DRC4: variants seen among roughly 807,000 people sequenced by gnomAD.
DRC4 encodes the protein dynein regulatory complex subunit 4.
At chr16:90,028,173 A>ATTTTTTTT in the DRC4 span, among the ~76,000 whole-genome samples, 931 of 63,858 alleles carry the variant, frequency 0.015, 221 homozygotes, top group African/African-American at 0.032. Flanking sequence ...TTAATCGTTC[A>ATTTTTTTT]TTTTTTTTTT....
the DRC4 span, among the ~76,000 whole-genome samples, chr16:90,024,158 A>ACACAC: frequency 6.6e-6 from 1 of 151,128 alleles, no homozygotes; most frequent in African/African-American, 2.4e-5. Flanking sequence ...ACACACACAC[A>ACACAC]AAATTAGCCG....
At chr16:90,019,760 C>T in the DRC4 span, 25 of 680,870 alleles carry the variant, frequency 3.7e-5, no homozygotes, top group East Asian at 5.7e-5. The surrounding 1 kb of genome is among the most constrained non-coding windows in gnomAD (Gnocchi z 6.1). Context: ...TCCTCTTGTT[C>T]TCTTCCAGGT....
the DRC4 span, chr16:90,040,262 A>G: frequency 1.9e-6 from 3 of 1,538,652 alleles, no homozygotes; most frequent in African/African-American, 4.1e-5. Flanking sequence ...TCCCCAGGTG[A>G]GGGGCCTCAT....
At chr16:90,038,399 C>T in the DRC4 span, among the ~76,000 whole-genome samples, 2 of 152,174 alleles carry the variant, frequency 1.3e-5, no homozygotes, top group African/African-American at 4.8e-5. Context: ...ACATAGGAAG[C>T]GGTCTCATCC....
At chr16:90,020,336 A>G in the DRC4 span, among the ~76,000 whole-genome samples, 1 of 152,018 alleles carries the variant, frequency 6.6e-6, no homozygotes, top group Non-Finnish European at 1.5e-5. Context: ...AAGAAAAGAA[A>G]AAGTCTAGTC....
chr16:90,041,245 T>A, the DRC4 span, among the ~76,000 whole-genome samples: 1 of 152,232 alleles, frequency 6.6e-6, no homozygotes, highest in Non-Finnish European at 1.5e-5. Flanking sequence ...GGTCAACCCC[T>A]CCTTTCCTGG....
chr16:90,043,444 C>A, the DRC4 span: 4 of 1,212,786 alleles, frequency 3.3e-6, no homozygotes, highest in Non-Finnish European at 3.4e-6. Context: ...TAGATTTTAT[C>A]ATCAGCAAAT....
At chr16:90,020,724 C>T in the DRC4 span, 1 of 152,232 alleles carries the variant, frequency 6.6e-6, no homozygotes, top group Non-Finnish European at 1.5e-5. Context: ...CACCGACAGA[C>T]CAGGATTGCT....
chr16:90,026,489 G>A, the DRC4 span, among the ~76,000 whole-genome samples: 256 of 152,262 alleles, frequency 1.7e-3, 1 homozygote, highest in African/African-American at 5.8e-3. Flanking sequence ...TGTCACAACC[G>A]ATCGTGGTTA....
chr16:90,027,309 T>TGA, the DRC4 span, among the ~76,000 whole-genome samples: 3 of 151,640 alleles, frequency 2.0e-5, no homozygotes, highest in African/African-American at 7.3e-5. Flanking sequence ...GGGATGGTCT[T>TGA]GATCTCCTGA....
the DRC4 span, among the ~76,000 whole-genome samples, chr16:90,022,393 C>T: frequency 6.6e-6 from 1 of 152,224 alleles, no homozygotes; most frequent in Non-Finnish European, 1.5e-5. Flanking sequence ...TTACTGAGCA[C>T]GTGCTGTGTG....
the DRC4 span, chr16:90,032,753 G>A: frequency 6.2e-7 from 1 of 1,613,926 alleles, no homozygotes; most frequent in South Asian, 1.1e-5. Flanking sequence ...TGCTATATGA[G>A]CACCAGAACA....
At chr16:90,040,809 T>A in the DRC4 span, among the ~76,000 whole-genome samples, 1 of 150,842 alleles carries the variant, frequency 6.6e-6, no homozygotes, top group African/African-American at 2.4e-5. Context: ...GGAGGCTGAG[T>A]CCACAGGTGG....
chr16:90,025,107 C>G, the DRC4 span, among the ~76,000 whole-genome samples: 7 of 150,618 alleles, frequency 4.6e-5, no homozygotes, highest in East Asian at 1.4e-3. Context: ...ACCTCTGCCA[C>G]CTGGGTTCAA....
the DRC4 span, chr16:90,020,202 A>C: frequency 1.2e-5 from 6 of 491,088 alleles, no homozygotes; most frequent in South Asian, 3.0e-5. Flanking sequence ...CGTTTGCAGG[A>C]GCATTGACTC....
chr16:90,022,259 G>A, the DRC4 span: 294 of 158,364 alleles, frequency 1.9e-3, 1 homozygote, highest in African/African-American at 6.8e-3. Flanking sequence ...AAAGGTGGGC[G>A]GGTGGGGTGA....
the DRC4 span, among the ~76,000 whole-genome samples, chr16:90,021,874 A>AAAAAG: frequency 0.13 from 17,001 of 126,744 alleles, 2,281 homozygotes; most frequent in East Asian, 0.59. Flanking sequence ...AAAAAAAAAA[A>AAAAAG]AAGCACCTGT....
chr16:90,026,270 T>C, the DRC4 span, among the ~76,000 whole-genome samples: 19 of 152,164 alleles, frequency 1.2e-4, no homozygotes, highest in African/African-American at 4.6e-4. Context: ...CCTGGTGTCA[T>C]GCGTGGTTTC....
the DRC4 span, chr16:90,035,821 A>G: frequency 6.3e-7 from 1 of 1,581,434 alleles, no homozygotes; most frequent in African/African-American, 1.3e-5. Flanking sequence ...AAGAGAAAGA[A>G]CATGGAAGTT....
Sources: gnomAD v4.1 joint callset for allele counts (sites outside exome capture counted in the v4.1 genomes callset) on GRCh38, gnomAD v4.1.1 for gene constraint, Gnocchi (gnomAD v3.1) non-coding constraint, MANE v1.5 for transcripts, NCBI Gene and HGNC (gene_info 2026-07-23, HGNC 2026-07-21) for gene names.